Variants in CWC27 observed in about 807,000 individuals in gnomAD.
The protein encoded by CWC27 is CWC27 spliceosome associated cyclophilin.
A neutral mutation model predicts 63.6 loss-of-function variants in CWC27; 47 were observed. That is an observed-to-expected ratio of 0.74 (90% CI 0.58 to 0.94). The LOEUF (loss-of-function observed/expected upper bound fraction) is 0.94, where lower values mean the gene tolerates loss of function less well. Ranked by LOEUF, CWC27 falls within the 40% of genes least tolerant of loss-of-function variation. The pLI is 0.00. For missense variants in CWC27, 495 were observed against 554.3 expected, an observed-to-expected ratio of 0.89 and a Z score of 1.07; for synonymous variants, 175 against 179.8, an observed-to-expected ratio of 0.97 and a Z score of 0.22.
chr5:64,940,507 G>A (rs139915751), intron 11 of CWC27, among the ~76,000 whole-genome samples: 218 of 152,196 alleles, frequency 1.4e-3, no homozygotes, highest in Non-Finnish European at 2.4e-3. Flanking sequence ...GAAATCACCC[G>A]CCTTCTGCAT....
At chr5:64,891,508 A>G (rs1406794113) in intron 11 of CWC27, among the ~76,000 whole-genome samples, 1 of 152,210 alleles carries the variant, frequency 6.6e-6, no homozygotes, top group Non-Finnish European at 1.5e-5. Context: ...TCACAATTAC[A>G]TGAAGAATTT....
At chr5:64,960,456 T>C (rs1019383120) in intron 11 of CWC27, among the ~76,000 whole-genome samples, 1 of 152,176 alleles carries the variant, frequency 6.6e-6, no homozygotes, top group African/African-American at 2.4e-5. Context: ...TAGTAAGTAA[T>C]TGAAATGTTA....
intron 13 of CWC27, among the ~76,000 whole-genome samples, chr5:64,980,879 GT>G (rs1749321410): frequency 6.6e-6 from 1 of 152,168 alleles, no homozygotes; most frequent in Non-Finnish European, 1.5e-5. Context: ...ATCACTTGAG[GT>G]CAAGAGTTTG....
intron 13 of CWC27, among the ~76,000 whole-genome samples, chr5:65,001,817 C>T (rs1303394142): frequency 1.3e-5 from 2 of 151,000 alleles, no homozygotes; most frequent in East Asian, 3.9e-4. Context: ...TTTTGGTTAC[C>T]GGGTAGTGAT....
At chr5:64,774,159 GTTTTA>G (rs1342621101) in intron 1 of CWC27, among the ~76,000 whole-genome samples, 1 of 152,082 alleles carries the variant, frequency 6.6e-6, no homozygotes, top group Non-Finnish European at 1.5e-5. Flanking sequence ...GTTTTGTCAT[GTTTTA>G]TTTTATTTTG....
intron 11 of CWC27, among the ~76,000 whole-genome samples, chr5:64,920,882 T>G (rs1173444489): frequency 6.6e-6 from 1 of 152,162 alleles, no homozygotes; most frequent in Non-Finnish European, 1.5e-5. Flanking sequence ...TCTATCAATT[T>G]TGTTTAATCT....
intron 11 of CWC27, among the ~76,000 whole-genome samples, chr5:64,970,818 A>G (rs1749111852): frequency 6.6e-6 from 1 of 152,084 alleles, no homozygotes; most frequent in South Asian, 2.1e-4. Context: ...AATAGATTGC[A>G]TATTCATGAT....
intron 11 of CWC27, among the ~76,000 whole-genome samples, chr5:64,923,366 C>T (rs1384832673): frequency 6.6e-6 from 1 of 151,882 alleles, no homozygotes; most frequent in Non-Finnish European, 1.5e-5. Flanking sequence ...CAGTCGGGCT[C>T]CCTCCAGGTC....
intron 13 of CWC27, among the ~76,000 whole-genome samples, chr5:65,011,327 T>TGA (rs1160605634): frequency 6.6e-6 from 1 of 152,160 alleles, no homozygotes; most frequent in Non-Finnish European, 1.5e-5. Context: ...ACCAGAGAGA[T>TGA]ATTCAAGATT....
Position 65,018,658 on chromosome 5 carries a change from T to A in CWC27, c.*337T>A, listed in dbSNP as rs967793618. 6.4e-6 allele frequency: 1 copy of A among 156,080 alleles called. No homozygotes were observed. Among genetic ancestry groups the A allele is most frequent in the African/African-American group, 2.4e-5 (1 of 41,626 alleles). 9.7% of individuals were successfully genotyped at this position (156,080 alleles called of 1,614,324 possible). The stretch of plus-strand genomic sequence containing the variant: ...TATATGAAGGCTTCCTTTTCAAGAT[T>A]TTTTTATAAGAAGTTCCTACAGAAA... On this transcript the variant is annotated 3_prime_UTR_variant, in exon 14 of 14. Transcript: ENST00000381070.
rs1745638588 is a variant in CWC27 at position 64,835,543 on chromosome 5, C to A, written c.938+31157C>A. On this transcript the variant is annotated intron_variant, in intron 10 of 13. Transcript: ENST00000381070. ...TAGCAGTGGAAATAGCTCTATATTT[C>A]TCTATGATGTGATCTTGCTAAATAT... Among the ~76,000 whole-genome samples, 7 of 151,802 alleles carry A rather than the reference C, an allele frequency of 4.6e-5. No individual in the cohort carries two copies. In the South Asian group the frequency reaches 1.5e-3, roughly 31 times the overall value.
chr5:64,953,762 T>C (rs536003570), intron 11 of CWC27, among the ~76,000 whole-genome samples: 1 of 152,372 alleles, frequency 6.6e-6, no homozygotes, highest in South Asian at 2.1e-4. Flanking sequence ...TTTAACAAGT[T>C]GCCTTGATGA....
At chr5:64,986,812 A>T (rs1411680511) in intron 13 of CWC27, among the ~76,000 whole-genome samples, 1 of 152,128 alleles carries the variant, frequency 6.6e-6, no homozygotes, top group Non-Finnish European at 1.5e-5. Context: ...CATTTGTTCC[A>T]GGTAAGCTGA....
chr5:64,965,045 C>T (rs552391152), intron 11 of CWC27, among the ~76,000 whole-genome samples: 31 of 152,160 alleles, frequency 2.0e-4, no homozygotes, highest in African/African-American at 6.3e-4. Flanking sequence ...GCCAAGATCG[C>T]GCCATTGCAC....
At chr5:64,836,598 T>C (rs1745663278) in intron 10 of CWC27, among the ~76,000 whole-genome samples, 1 of 151,978 alleles carries the variant, frequency 6.6e-6, no homozygotes, top group Non-Finnish European at 1.5e-5. Flanking sequence ...AGTATGTGGT[T>C]AGGAATGAGT....
intron 10 of CWC27, among the ~76,000 whole-genome samples, chr5:64,858,848 A>G (rs1257529846): frequency 6.6e-6 from 1 of 152,224 alleles, no homozygotes; most frequent in Non-Finnish European, 1.5e-5. Context: ...AAAGTTAAAC[A>G]CATACATATT....
At chr5:64,832,029 C>A (rs985377616) in intron 10 of CWC27, among the ~76,000 whole-genome samples, 2 of 151,696 alleles carry the variant, frequency 1.3e-5, no homozygotes, top group Non-Finnish European at 2.9e-5. Context: ...TAATACTTAA[C>A]CAAAACTCAA....
At position 64,924,571 on chromosome 5, in the gene CWC27, G is replaced by C. The variant is rs114558818; in HGVS notation, c.1042+39025G>C. ...TTCTTTTATCCTCCTATAGAATTCT[G>C]TGTAGCTCCTGGTGTCAAATTATCA... On this transcript the variant is annotated intron_variant, in intron 11 of 13. Transcript: ENST00000381070. Among the ~76,000 whole-genome samples the C allele has an allele frequency of 2.1e-3, 315 of 152,254 alleles. 1 individual carries two copies. Among genetic ancestry groups the C allele is most frequent in the African/African-American group, 7.2e-3 (301 of 41,542 alleles).
chr5:64,943,627 G>A (rs1748533809), intron 11 of CWC27, among the ~76,000 whole-genome samples: 1 of 151,922 alleles, frequency 6.6e-6, no homozygotes, highest in African/African-American at 2.4e-5. Context: ...GGATACATCA[G>A]GTAAGAATAT....
Sources: allele counts gnomAD v4.1 joint callset (sites outside exome capture counted in the v4.1 genomes callset), GRCh38; gene constraint gnomAD v4.1.1; transcripts MANE v1.5; gene names NCBI Gene and HGNC (gene_info 2026-07-23, HGNC 2026-07-21).